The following RAPGEF1 variants were observed in gnomAD, a reference collection of about 807,000 sequenced individuals.
RAPGEF1 encodes the protein CRK SH3-binding GNRP.
A neutral mutation model predicts 143.3 loss-of-function variants in RAPGEF1; 33 were observed. That is an observed-to-expected ratio of 0.23 (90% confidence interval 0.17 to 0.31). The LOEUF is 0.31. Among genes scored for constraint, RAPGEF1 ranks in the 10% least tolerant of loss-of-function variants. The pLI is 1.00. For missense variants in RAPGEF1, 1,199 were observed against 1,645.4 expected (o/e 0.73, Z 4.69); for synonymous variants, 629 against 676.5 (o/e 0.93, Z 1.09).
intron 1 of RAPGEF1, among the ~76,000 whole-genome samples, chr9:131,677,124 G>C (rs1019439539): frequency 2.6e-5 from 4 of 152,202 alleles, no homozygotes; most frequent in African/African-American, 9.7e-5. Flanking sequence ...CTATGTGCTA[G>C]GAACTGGGGA....
rs560120165 is a variant in RAPGEF1, at chr9:131,722,150, T to C, written c.61+17620A>G. On this transcript the variant is annotated intron_variant, in intron 1 of 26. Coordinates refer to ENST00000683357, the MANE Select transcript of RAPGEF1 (RefSeq NM_001377935.1). ...GGTAATTGGTTATCACCCAGATTCATAGAGAGACGTGTTAATGATACTCGT... is the reference window on the plus strand; with the variant it reads ...GGTAATTGGTTATCACCCAGATTCACAGAGAGACGTGTTAATGATACTCGT... Among the ~76,000 whole-genome samples, 266 of 152,118 alleles carry C rather than the reference T, an allele frequency of 1.7e-3. 1 individual carries two copies. The highest frequency in any genetic ancestry group is 2.9e-3 in the Admixed American group (44 of 15,292).
intron 5 of RAPGEF1, among the ~76,000 whole-genome samples, chr9:131,631,936 T>C (rs1289848118): frequency 6.6e-6 from 1 of 152,126 alleles, no homozygotes; most frequent in Non-Finnish European, 1.5e-5. Context: ...TCCAGAGGGA[T>C]GACTTATCAG....
rs1210237923 is a variant in RAPGEF1 at position 131,621,048 on chromosome 9, G to C, written c.1905+748C>G. Among the ~76,000 whole-genome samples the C allele has an allele frequency of 6.6e-6, 1 of 152,188 alleles. No homozygotes were observed. Among genetic ancestry groups the C allele is most frequent in the Non-Finnish European group, 1.5e-5 (1 of 68,026 alleles). On this transcript the variant is annotated intron_variant, in intron 11 of 26. Coordinates refer to ENST00000683357, the MANE Select transcript of RAPGEF1 (RefSeq NM_001377935.1). The surrounding 1 kb of genome is among the most constrained non-coding windows in gnomAD (Gnocchi z 4.5). ...AGGCTCAGATCTTCAAACCTGACTA[G>C]GGCCCTCCATGTTCATTAACTGGCA...
intron 1 of RAPGEF1, among the ~76,000 whole-genome samples, chr9:131,719,286 T>C (rs565163153): frequency 6.6e-6 from 1 of 152,338 alleles, no homozygotes; most frequent in East Asian, 1.9e-4. Context: ...CTGCTCAGCT[T>C]CTGGCCATCT....
intron 17 of RAPGEF1, among the ~76,000 whole-genome samples, 192 bp from the exon 18 acceptor site, chr9:131,592,375 C>T (rs562306114): frequency 3.9e-5 from 6 of 152,174 alleles, no homozygotes; most frequent in Non-Finnish European, 7.3e-5. Flanking sequence ...AGTCACACGT[C>T]CTCTCTGTCC....
At chr9:131,715,758 G>A (rs954678478) in intron 1 of RAPGEF1, among the ~76,000 whole-genome samples, 4 of 151,626 alleles carry the variant, frequency 2.6e-5, no homozygotes, top group African/African-American at 4.8e-5. Context: ...CAAGCTACTC[G>A]GGAGGCTGAG....
chr9:131,696,624 G>C (rs908785665), intron 1 of RAPGEF1, among the ~76,000 whole-genome samples: 2 of 152,194 alleles, frequency 1.3e-5, no homozygotes, highest in Admixed American at 1.3e-4. Context: ...GCGAACTGTA[G>C]CTCTGAATAT....
rs983240809 is a variant in RAPGEF1 at position 131,675,926 on chromosome 9, T to G, written c.62-24977A>C. On this transcript the variant is annotated intron_variant, in intron 1 of 26. Transcript: ENST00000683357. This position sits in a 1 kb window ranked among gnomAD's most constrained non-coding sequence, Gnocchi z 4.6. ...AAAAACTCAGTCTTTTTTTTTTTTT[T>G]AATCTCGCCCTGTGGCCCAGGCTGG... Among the ~76,000 whole-genome samples, 1 of 151,684 alleles carries G rather than the reference T, an allele frequency of 6.6e-6. No homozygotes were observed. The highest frequency in any genetic ancestry group is 1.5e-5 in the Non-Finnish European group (1 of 67,828).
chr9:131,586,257 A>AAAACAC (rs1952746937), intron 22 of RAPGEF1, among the ~76,000 whole-genome samples: 1 of 91,358 alleles, frequency 1.1e-5, no homozygotes, highest in Non-Finnish European at 2.1e-5. Flanking sequence ...CTCTGTCTCA[A>AAAACAC]ACACACACAC....
intron 12 of RAPGEF1, among the ~76,000 whole-genome samples, chr9:131,606,619 A>C (rs1413938800): frequency 6.6e-6 from 1 of 152,132 alleles, no homozygotes; most frequent in East Asian, 1.9e-4. Flanking sequence ...TTAAACTAAC[A>C]AGAGGTCAAA....
chr9:131,727,812 GA>G (rs5900954), intron 1 of RAPGEF1, among the ~76,000 whole-genome samples: 121,888 of 152,010 alleles, frequency 0.8, 49,082 homozygotes, highest in Non-Finnish European at 0.81. Context: ...CTCATGAACA[GA>G]AAAAAAACAA....
intron 1 of RAPGEF1, among the ~76,000 whole-genome samples, chr9:131,731,793 T>C (rs1006994408): frequency 2.0e-5 from 3 of 152,198 alleles, no homozygotes; most frequent in Non-Finnish European, 4.4e-5. Flanking sequence ...TGCAGTAAAG[T>C]CACTGTGTGG....
intron 5 of RAPGEF1, among the ~76,000 whole-genome samples, chr9:131,636,427 C>CT (rs1966389233): frequency 3.3e-5 from 5 of 152,322 alleles, no homozygotes; most frequent in African/African-American, 1.2e-4. Flanking sequence ...GTTTCTCTCT[C>CT]CTTTTTTTTT....
At position 131,627,912 on chromosome 9, in the gene RAPGEF1, C is replaced by T; in HGVS notation, c.1201+1G>A. ...GGAACAGGAGGATGGTGGCGGCTCA[C>T]CTAGTGTTTCACAGCTTGTGTTCCG... On this transcript the variant is annotated splice_donor_variant, in intron 9 of 26. Coordinates refer to ENST00000683357, the MANE Select transcript of RAPGEF1 (RefSeq NM_001377935.1). LOFTEE classifies it high-confidence loss of function. 1.3e-6 allele frequency: 2 copies of T among 1,578,682 alleles called. No homozygotes were observed. Among genetic ancestry groups the T allele is most frequent in the Non-Finnish European group, 1.7e-6 (2 of 1,162,546 alleles).
chr9:131,607,673 A>G (rs1198216781), intron 12 of RAPGEF1, among the ~76,000 whole-genome samples: 1 of 152,058 alleles, frequency 6.6e-6, no homozygotes, highest in East Asian at 1.9e-4. Context: ...CCAGATGTTC[A>G]TTCCCAATGC....
rs1010847972 is a variant in RAPGEF1, at chr9:131,691,641, G to A, written c.62-40692C>T. Among the ~76,000 whole-genome samples, 12 of 152,262 alleles carry A rather than the reference G, an allele frequency of 7.9e-5. 1 individual carries two copies. Among genetic ancestry groups the A allele is most frequent in the African/African-American group, 2.4e-4 (10 of 41,552 alleles). ...TTCAAGGAGATTCATGGAAAGGATG[G>A]AAAGGACTTTGACAAGAAGAGGTCT... On this transcript the variant is annotated intron_variant, in intron 1 of 26. Transcript: ENST00000683357.
rs554770925 is a variant in RAPGEF1, at chr9:131,663,014, T to C, written c.62-12065A>G. 7.9e-5 allele frequency among the ~76,000 whole-genome samples: 12 copies of C among 152,232 alleles called. 1 individual carries two copies. The South Asian group carries it at 2.1e-3, about 26-fold the overall frequency. On this transcript the variant is annotated intron_variant, in intron 1 of 26. Transcript: ENST00000683357. The stretch of plus-strand genomic sequence containing the variant: ...AAAAAAATCAAATCTACTGATGTGC[T>C]GAAAGAATATTATGAAGCGAACGTC...
intron 5 of RAPGEF1, among the ~76,000 whole-genome samples, chr9:131,633,055 T>G (rs7036709): frequency 0.34 from 52,377 of 152,102 alleles, 9,528 homozygotes; most frequent in Middle Eastern, 0.44. Context: ...TCTGTGACAG[T>G]TGTTACCCCA....
At chr9:131,733,149 A>T (rs1297028965) in intron 1 of RAPGEF1, among the ~76,000 whole-genome samples, 1 of 152,054 alleles carries the variant, frequency 6.6e-6, no homozygotes, top group Non-Finnish European at 1.5e-5. Context: ...GCTAAGCAGG[A>T]AGGACTGCAT....
Sources: allele counts gnomAD v4.1 joint callset (sites outside exome capture counted in the v4.1 genomes callset), GRCh38; gene constraint gnomAD v4.1.1; non-coding constraint Gnocchi (gnomAD v3.1); transcripts MANE v1.5; gene names NCBI Gene and HGNC (gene_info 2026-07-23, HGNC 2026-07-21).